The following DPY30 variants were observed in gnomAD, a reference collection of about 807,000 sequenced individuals.
The protein encoded by DPY30 is protein dpy-30 homolog.
Under a neutral mutation model 16.2 loss-of-function variants are expected in DPY30, and 6 were observed. That is an observed-to-expected ratio of 0.37 (90% CI 0.20 to 0.73). DPY30 has a LOEUF of 0.73. Among genes scored for constraint, DPY30 ranks in the 30% least tolerant of loss-of-function variants. The pLI is 0.51. For synonymous variants in DPY30, 39 were observed against 38.8 expected, an observed-to-expected ratio of 1.00 and a Z score of -0.02; for missense variants, 73 against 113.1, an observed-to-expected ratio of 0.65 and a Z score of 1.61.
chr2:32,038,421 G>A (rs1312960137), intron 3 of DPY30, among the ~76,000 whole-genome samples: 1 of 83,156 alleles, frequency 1.2e-5, no homozygotes, highest in African/African-American at 4.7e-5. Context: ...GGGGGGGGGG[G>A]CGGGGGGAGG....
chr2:32,027,295 T>G (rs1303601326), intron 4 of DPY30, among the ~76,000 whole-genome samples: 1 of 134,460 alleles, frequency 7.4e-6, no homozygotes, highest in Admixed American at 7.7e-5. Context: ...AAAAACCAGC[T>G]GGGCACAGTG....
chr2:32,014,842 A>G (rs1403733346), intron 5 of DPY30, among the ~76,000 whole-genome samples: 1 of 152,130 alleles, frequency 6.6e-6, no homozygotes, highest in African/African-American at 2.4e-5. Context: ...TAGTATGGAA[A>G]GAGTTTCAAA....
At chr2:32,038,971 C>A (rs1043584418) in intron 3 of DPY30, among the ~76,000 whole-genome samples, 9 of 152,166 alleles carry the variant, frequency 5.9e-5, no homozygotes, top group African/African-American at 9.6e-5. Flanking sequence ...TTTTAATATG[C>A]GGTTTTTACG....
At chr2:32,012,343 C>T (rs953684465) in intron 5 of DPY30, among the ~76,000 whole-genome samples, 17 of 151,082 alleles carry the variant, frequency 1.1e-4, no homozygotes, top group African/African-American at 3.9e-4. Flanking sequence ...TTACCCTCTC[C>T]ACCAACTTGC....
At chr2:32,027,297 G>A (rs1675367895) in intron 4 of DPY30, among the ~76,000 whole-genome samples, 1 of 137,148 alleles carries the variant, frequency 7.3e-6, no homozygotes. Flanking sequence ...AAACCAGCTG[G>A]GCACAGTGGA....
chr2:32,032,550 G>C lies in DPY30; in HGVS notation c.85-2814C>G, dbSNP rs138503349. ...AAAACAGTCCTAACTTCCAGTCACA[G>C]TATACGTATACAATAAAAACTACTC... On this transcript the variant is annotated intron_variant, in intron 3 of 4. Transcript: ENST00000342166. Among the ~76,000 whole-genome samples the C allele has an allele frequency of 9.1e-4, 138 of 152,240 alleles. 1 individual carries two copies. Among genetic ancestry groups the C allele is most frequent in the African/African-American group, 3.1e-3 (129 of 41,554 alleles).
rs1675245619 is a variant in DPY30 at position 32,024,039 on chromosome 2, T to C, written c.*145A>G. 6.7e-7 allele frequency: 1 copy of C among 1,490,324 alleles called. No homozygotes were observed. Among genetic ancestry groups the C allele is most frequent in the Non-Finnish European group, 8.9e-7 (1 of 1,128,166 alleles). 92.3% of individuals were successfully genotyped at this position (1,490,324 alleles called of 1,614,324 possible). A position where few individuals can be genotyped will look rare whatever the true frequency, so the allele number is the denominator to read the frequency against. On this transcript the variant is annotated 3_prime_UTR_variant, in exon 5 of 5. Transcript: ENST00000342166. The stretch of plus-strand genomic sequence containing the variant: ...TTAAATCAAAATAAGGGAAATATGT[T>C]ATCTTCTGCAATTCCAGAAATAGGT...
intron 3 of DPY30, among the ~76,000 whole-genome samples, chr2:32,030,764 A>G (rs1041637609): frequency 1.3e-5 from 2 of 152,006 alleles, no homozygotes; most frequent in Non-Finnish European, 2.9e-5. Flanking sequence ...ATGCCACTGT[A>G]CTCTAGCCTG....
intron 5 of DPY30, among the ~76,000 whole-genome samples, chr2:32,014,671 G>C (rs1675030318): frequency 6.6e-6 from 1 of 152,004 alleles, no homozygotes; most frequent in Admixed American, 6.6e-5. Flanking sequence ...TTTTAGTAGA[G>C]ATGGGGTTTC....
chr2:32,024,196 T>G lies in DPY30; in HGVS notation c.288A>C (p.Glu96Asp). The change falls in exon 5 of 5, where the codon GAA becomes GAC. Residue 96 changes from glutamate (E) to aspartate (D), a missense_variant. By Grantham distance (45) the Glu-to-Asp change is conservative (BLOSUM62 2). This residue lies in a region of DPY30 where 20 missense variants were observed against 25.3 expected (regional missense o/e 0.79). Coordinates refer to ENST00000342166, the MANE Select transcript of DPY30 (RefSeq NM_001321209.2). Reference sequence around the variant, plus strand: ...TCTTCCCATTAAGTCAGTTTCGATCTTCAAACTGTGCCTTGTTTTTTAAAA... The same window carrying G: ...TCTTCCCATTAAGTCAGTTTCGATCGTCAAACTGTGCCTTGTTTTTTAAAA... Reference protein sequence around the residue: ...SYLLKNKAQFEDRN With the variant: ...SYLLKNKAQFDDRN 1 of 1,612,468 alleles carries G rather than the reference T, an allele frequency of 6.2e-7. No individual in the cohort carries two copies. The highest frequency in any genetic ancestry group is 8.5e-7 in the Non-Finnish European group (1 of 1,179,210).
intron 4 of DPY30, among the ~76,000 whole-genome samples, chr2:32,025,305 A>G (rs1675286267): frequency 6.6e-6 from 1 of 152,142 alleles, no homozygotes; most frequent in Admixed American, 6.6e-5. Context: ...TCTACTAAAA[A>G]TACAAAAATT....
Position 32,023,959 on chromosome 2 carries a change from T to C in DPY30, c.*225A>G. 7.1e-7 allele frequency: 1 copy of C among 1,406,442 alleles called. No homozygotes were observed. The highest frequency in any genetic ancestry group is 9.2e-7 in the Non-Finnish European group (1 of 1,081,338). The allele number at this position is 1,406,442 out of a possible 1,614,324, so 87.1% of individuals were successfully genotyped here. On this transcript the variant is annotated 3_prime_UTR_variant, in exon 5 of 5. Coordinates refer to ENST00000342166, the MANE Select transcript of DPY30 (RefSeq NM_001321209.2). ...ATTTTAAAAACAAAGTTAAAGACAA[T>C]CTGAGAAAAAAATTGCACAGAATAC...
chr2:32,023,933 C>G lies in DPY30; in HGVS notation c.*251G>C. On this transcript the variant is annotated 3_prime_UTR_variant, in exon 5 of 5. Coordinates refer to ENST00000342166, the MANE Select transcript of DPY30 (RefSeq NM_001321209.2). ...TGTTTTGACAGTTTATTTTGAAGGT[C>G]ATTTTAAAAACAAAGTTAAAGACAA... is the stretch of plus-strand genomic sequence containing the variant. 4 of 1,371,264 alleles carry G rather than the reference C, an allele frequency of 2.9e-6. No homozygotes were observed. The highest frequency in any genetic ancestry group is 3.8e-6 in the Non-Finnish European group (4 of 1,056,754). The allele number at this position is 1,371,264 out of a possible 1,614,324, so 84.9% of individuals were successfully genotyped here. A position where few individuals can be genotyped will look rare whatever the true frequency, so the allele number is the denominator to read the frequency against.
Position 32,029,755 on chromosome 2 carries a change from C to A in DPY30, c.85-19G>T, listed in dbSNP as rs1428650567. On this transcript the variant is annotated intron_variant, in intron 3 of 4. Coordinates refer to ENST00000342166, the MANE Select transcript of DPY30 (RefSeq NM_001321209.2). ...CTATTCTCTAGTGAATTCAAAAAAA[C>A]AGTGCATGAACATTTCAAATAACCA... is the stretch of plus-strand genomic sequence containing the variant. The A allele has an allele frequency of 6.2e-7, 1 of 1,613,386 alleles. No homozygotes were observed. Among genetic ancestry groups the A allele is most frequent in the Non-Finnish European group, 8.5e-7 (1 of 1,179,608 alleles).
At chr2:32,038,195 G>T (rs1186543712) in intron 3 of DPY30, among the ~76,000 whole-genome samples, 1 of 148,570 alleles carries the variant, frequency 6.7e-6, no homozygotes, top group African/African-American at 2.5e-5. Context: ...GAGTGCAGTG[G>T]CATGATCTCG....
At chr2:32,014,327 A>G (rs75541410) in intron 5 of DPY30, among the ~76,000 whole-genome samples, 7,543 of 152,180 alleles carry the variant, frequency 0.05, 231 homozygotes, top group Middle Eastern at 0.12. Flanking sequence ...GCTAAAAATA[A>G]ATTTTAAAAC....
At chr2:32,027,955 A>G (rs1388725583) in intron 4 of DPY30, among the ~76,000 whole-genome samples, 1 of 152,132 alleles carries the variant, frequency 6.6e-6, no homozygotes, top group Non-Finnish European at 1.5e-5. Flanking sequence ...AATTGTTGAT[A>G]GTAGAGCCAA....
At chr2:32,013,206 A>C (rs1415220382) in intron 5 of DPY30, 2 of 152,184 alleles carry the variant, frequency 1.3e-5, no homozygotes, top group Admixed American at 1.3e-4. Context: ...GTTCTTTATA[A>C]ATATTTGTTC....
intron 2 of DPY30, 37 bp from the exon 3 acceptor site, chr2:32,039,363 C>T (rs1006284602): frequency 6.2e-7 from 1 of 1,614,086 alleles, no homozygotes; most frequent in Admixed American, 1.7e-5. Context: ...GATATAAGTC[C>T]CCCCTTTCTC....
Sources: allele counts gnomAD v4.1 joint callset (sites outside exome capture counted in the v4.1 genomes callset), GRCh38; gene constraint gnomAD v4.1.1; regional missense constraint gnomAD v4.1.1; transcripts MANE v1.5; gene names NCBI Gene and HGNC (gene_info 2026-07-23, HGNC 2026-07-21).